The following ACOT1 variants were observed in gnomAD, a reference collection of about 807,000 sequenced individuals.
The protein encoded by ACOT1 is acyl-CoA thioesterase 1.
In ACOT1, 8 loss-of-function variants were observed where a neutral mutation model predicts 15.7. That is an observed-to-expected ratio of 0.51 (90% CI 0.30 to 0.92). The LOEUF (loss-of-function observed/expected upper bound fraction) is 0.92, where lower values mean the gene tolerates loss of function less well. Among genes scored for constraint, ACOT1 ranks in the 40% least tolerant of loss-of-function variants. The probability of loss-of-function intolerance (pLI) is 0.06; values close to 1 mark genes in which losing one functional copy is unlikely to be tolerated. For synonymous variants in ACOT1, 67 were observed against 241.2 expected (o/e 0.28, Z 6.69); for missense variants, 151 against 539.4 (o/e 0.28, Z 7.13).
At chr14:73,511,460 A>G in the ACOT1 span, among the ~76,000 whole-genome samples, 2 of 152,076 alleles carry the variant, frequency 1.3e-5, no homozygotes, top group East Asian at 1.9e-4. Flanking sequence ...TGGAGGTTGC[A>G]GTGAGCAGAG....
At chr14:73,512,348 C>T in the ACOT1 span, among the ~76,000 whole-genome samples, 1 of 152,174 alleles carries the variant, frequency 6.6e-6, no homozygotes, top group African/African-American at 2.4e-5. Context: ...AGTAAGTTCC[C>T]AGACAAAACT....
At chr14:73,506,134 C>A in the ACOT1 span, among the ~76,000 whole-genome samples, 1 of 152,172 alleles carries the variant, frequency 6.6e-6, no homozygotes. Context: ...CGTGATCCGC[C>A]TGCCTTGGCC....
the ACOT1 span, among the ~76,000 whole-genome samples, chr14:73,509,870 T>TATATA: frequency 9.2e-5 from 6 of 65,124 alleles, 1 homozygote; most frequent in African/African-American, 1.8e-4. Flanking sequence ...ATATATATAT[T>TATATA]TATTTATTTT....
At chr14:73,491,396 G>C in the ACOT1 span, 5 of 1,348,044 alleles carry the variant, frequency 3.7e-6, no homozygotes, top group Non-Finnish European at 3.8e-6. Context: ...GCCCGCTTCC[G>C]CGCCGCCCGC....
chr14:73,528,641 G>A, the ACOT1 span, among the ~76,000 whole-genome samples: 1 of 152,088 alleles, frequency 6.6e-6, no homozygotes, highest in Non-Finnish European at 1.5e-5. Flanking sequence ...AAAATCTGTA[G>A]TTTCCCAATC....
chr14:73,522,666 G>A, the ACOT1 span: 2 of 1,614,230 alleles, frequency 1.2e-6, no homozygotes, highest in East Asian at 2.2e-5. Context: ...TGGATGAGAG[G>A]GCGGGGTGCT....
the ACOT1 span, chr14:73,520,286 TAAAC>T: frequency 6.6e-6 from 1 of 152,424 alleles, no homozygotes; most frequent in African/African-American, 2.4e-5. Context: ...CTGAACACCT[TAAAC>T]AGACATTGAG....
At chr14:73,531,381 TATTG>T in the ACOT1 span, among the ~76,000 whole-genome samples, 3 of 112,410 alleles carry the variant, frequency 2.7e-5, no homozygotes, top group Non-Finnish European at 5.8e-5. Context: ...GCATCTTATT[TATTG>T]ATTATTTATT....
the ACOT1 span, chr14:73,502,957 C>T: frequency 6.2e-7 from 1 of 1,614,090 alleles, no homozygotes; most frequent in Admixed American, 1.7e-5. Context: ...CAGCTGCTCT[C>T]CTCACTTCCT....
chr14:73,503,915 C>T, the ACOT1 span, among the ~76,000 whole-genome samples: 1 of 152,154 alleles, frequency 6.6e-6, no homozygotes, highest in Non-Finnish European at 1.5e-5. Flanking sequence ...TCATCTTTAC[C>T]TCAACCCCTG....
At chr14:73,536,500 TGAGACCCTGTCTCTTTAAAAA>T (rs1334112022), upstream of ACOT1, among the ~76,000 whole-genome samples, 24 of 79,372 alleles carry the variant, frequency 3.0e-4, 4 homozygotes, top group African/African-American at 1.0e-3. Context: ...GGCAACGTAG[TGAGACCCTGTCTCTTTAAAAA>T]AAAAAAAAAA....
At chr14:73,532,813 G>C (rs542117158), upstream of ACOT1, among the ~76,000 whole-genome samples, 692 of 112,972 alleles carry the variant, frequency 6.1e-3, 106 homozygotes, top group African/African-American at 0.019. Flanking sequence ...AAAATTAGCC[G>C]GGTGTGGTGG....
the ACOT1 span, chr14:73,508,441 T>A: frequency 1.4e-6 from 1 of 689,858 alleles, no homozygotes; most frequent in Non-Finnish European, 2.4e-6. Context: ...ATTTCTTATT[T>A]AAACCATATT....
chr14:73,538,229 A>G lies in ACOT1; in HGVS notation c.457+351A>G, dbSNP rs1226541876. ...CTTCCAACATTCCGGAGGTTAGTGTAAGGAGACAGGAATGGAATGGAAAGT... is the reference window on the plus strand; with the variant it reads ...CTTCCAACATTCCGGAGGTTAGTGTGAGGAGACAGGAATGGAATGGAAAGT... On this transcript the variant is annotated intron_variant, in intron 1 of 2. Coordinates refer to ENST00000311148, the MANE Select transcript of ACOT1 (RefSeq NM_001037161.2). 3.5e-5 allele frequency among the ~76,000 whole-genome samples: 4 copies of G among 114,432 alleles called. 1 individual carries two copies. The highest frequency in any genetic ancestry group is 7.6e-5 in the Non-Finnish European group (4 of 52,614). The allele number at this position is 114,432 out of a possible 152,430, so 75.1% of individuals were successfully genotyped here.
At chr14:73,504,860 A>G in the ACOT1 span, among the ~76,000 whole-genome samples, 6 of 152,180 alleles carry the variant, frequency 3.9e-5, no homozygotes, top group Non-Finnish European at 8.8e-5. Flanking sequence ...ATTGGGAAAT[A>G]ATGGCAAAAA....
the ACOT1 span, chr14:73,492,401 A>C: frequency 1.9e-6 from 3 of 1,613,852 alleles, no homozygotes; most frequent in South Asian, 1.1e-5. The surrounding 1 kb of genome is among the most constrained non-coding windows in gnomAD (Gnocchi z 4.9). Flanking sequence ...CATGGATTAC[A>C]TGGGGGCCCA....
At chr14:73,506,521 C>T in the ACOT1 span, 1 of 1,613,862 alleles carries the variant, frequency 6.2e-7, no homozygotes, top group African/African-American at 1.3e-5. Flanking sequence ...CAATCCGGTT[C>T]TTCCATTGAC....
At chr14:73,496,579 A>T in the ACOT1 span, 1 of 1,519,320 alleles carries the variant, frequency 6.6e-7, no homozygotes. Flanking sequence ...TTCTCTTGAG[A>T]ACAGAGCTTG....
the ACOT1 span, chr14:73,506,700 G>A: frequency 1.7e-6 from 1 of 572,060 alleles, no homozygotes; most frequent in South Asian, 2.3e-5. Flanking sequence ...GATGGGGCAT[G>A]TTTCCATCAC....
Sources: gnomAD v4.1 joint callset for allele counts (sites outside exome capture counted in the v4.1 genomes callset) on GRCh38, gnomAD v4.1.1 for gene constraint, Gnocchi (gnomAD v3.1) non-coding constraint, MANE v1.5 for transcripts, NCBI Gene and HGNC (gene_info 2026-07-23, HGNC 2026-07-21) for gene names.